Variants in FKBP15 observed in about 807,000 individuals in gnomAD.
The protein encoded by FKBP15 is FKBP prolyl isomerase family member 15.
A neutral mutation model predicts 158.1 loss-of-function variants in FKBP15; 106 were observed. That is an observed-to-expected ratio of 0.67 (90% CI 0.57 to 0.79). The LOEUF (loss-of-function observed/expected upper bound fraction) is 0.79, where lower values mean the gene tolerates loss of function less well. Ranked by LOEUF, FKBP15 falls within the 30% of genes least tolerant of loss-of-function variation. The probability of loss-of-function intolerance (pLI) is 0.00; values close to 1 mark genes in which losing one functional copy is unlikely to be tolerated. For synonymous variants in FKBP15, 547 were observed against 548.6 expected, an observed-to-expected ratio of 1.00 and a Z score of 0.04; for missense variants, 1,287 against 1,479.1, an observed-to-expected ratio of 0.87 and a Z score of 2.13.
At chr9:113,211,635 C>G in intron 1 of FKBP15, 43 bp from the exon 2 acceptor site, 1 of 1,417,358 alleles carries the variant, frequency 7.1e-7, no homozygotes, top group Non-Finnish European at 9.7e-7. Context: ...TGATATATCC[C>G]AAACCTGGAA....
intron 11 of FKBP15, 90 bp downstream of exon 11, chr9:113,193,402 T>C (rs1830611427): frequency 1.9e-6 from 2 of 1,035,154 alleles, no homozygotes; most frequent in Non-Finnish European, 2.9e-6. Flanking sequence ...CTTGAACTCC[T>C]GCACTGTAGT....
Position 113,165,883 on chromosome 9 carries a change from G to A in FKBP15, c.*195C>T. ...GAAATCCCAGTGTTCTTGAAGACAG[G>A]GTTATGATCCTCTTCACCAGGTCTG... is the stretch of plus-strand genomic sequence containing the variant. On this transcript the variant is annotated 3_prime_UTR_variant, in exon 28 of 28. Coordinates refer to ENST00000238256, the MANE Select transcript of FKBP15 (RefSeq NM_015258.2). 1.9e-6 allele frequency: 1 copy of A among 533,114 alleles called. No individual in the cohort carries two copies. Among genetic ancestry groups the A allele is most frequent in the African/African-American group, 1.9e-5 (1 of 52,448 alleles). 33.0% of individuals were successfully genotyped at this position (533,114 alleles called of 1,614,324 possible). A position where few individuals can be genotyped will look rare whatever the true frequency, so the allele number is the denominator to read the frequency against.
chr9:113,216,910 T>C (rs929329889), intron 1 of FKBP15, among the ~76,000 whole-genome samples: 1 of 151,106 alleles, frequency 6.6e-6, no homozygotes, highest in Non-Finnish European at 1.5e-5. Flanking sequence ...TTTTCTTTTT[T>C]TTTTTTTTTT....
chr9:113,161,324 C>T lies in FKBP15; in HGVS notation c.*4754G>A, dbSNP rs549435198. 21 of 611,138 alleles carry T rather than the reference C, an allele frequency of 3.4e-5. No individual in the cohort carries two copies. Among genetic ancestry groups the T allele is most frequent in the African/African-American group, 3.3e-4 (18 of 54,240 alleles). The allele number at this position is 611,138 out of a possible 1,614,324, so 37.9% of individuals were successfully genotyped here. On this transcript the variant is annotated 3_prime_UTR_variant, in exon 28 of 28. Transcript: ENST00000238256. ...TTTTCAGGTGGCTTCTCTTCCTGATCTCAAAGCCACACTCCAGCTAAGAAA... is the reference window on the plus strand; with the variant it reads ...TTTTCAGGTGGCTTCTCTTCCTGATTTCAAAGCCACACTCCAGCTAAGAAA...
chr9:113,197,626 G>A (rs533058284), intron 8 of FKBP15, among the ~76,000 whole-genome samples: 33 of 152,146 alleles, frequency 2.2e-4, no homozygotes, highest in Non-Finnish European at 4.7e-4. Context: ...CTGAGATCGT[G>A]CCACTGCACT....
intron 4 of FKBP15, among the ~76,000 whole-genome samples, chr9:113,204,169 C>T (rs893282524): frequency 6.6e-6 from 1 of 152,322 alleles, no homozygotes; most frequent in Admixed American, 6.5e-5. Flanking sequence ...CCTCCACCTC[C>T]CAGGTTCAAG....
intron 1 of FKBP15, among the ~76,000 whole-genome samples, chr9:113,216,966 C>T (rs1193821781): frequency 6.8e-6 from 1 of 146,518 alleles, no homozygotes; most frequent in Admixed American, 7.0e-5. Context: ...AGTGCAATGG[C>T]AGGATCTCGG....
intron 8 of FKBP15, among the ~76,000 whole-genome samples, chr9:113,197,398 TG>T (rs1415026250): frequency 1.3e-5 from 2 of 152,180 alleles, no homozygotes; most frequent in East Asian, 3.8e-4. Context: ...CTGGGCACAG[TG>T]GCTCATGGCT....
intron 21 of FKBP15, among the ~76,000 whole-genome samples, chr9:113,175,543 G>A (rs1830285801): frequency 6.6e-6 from 1 of 152,154 alleles, no homozygotes; most frequent in Admixed American, 6.5e-5. Flanking sequence ...CAAAAAGATA[G>A]AAATGTTCTC....
At chr9:113,186,418 T>G (rs1277253052) in intron 14 of FKBP15, 55 bp from the exon 15 acceptor site, 1 of 1,298,282 alleles carries the variant, frequency 7.7e-7, no homozygotes, top group African/African-American at 1.5e-5. Flanking sequence ...CTTTCTTTTT[T>G]GTTCACATTT....
chr9:113,168,612 C>G, intron 26 of FKBP15, 56 bp from the exon 27 acceptor site: 1 of 1,490,028 alleles, frequency 6.7e-7, no homozygotes, highest in Non-Finnish European at 9.3e-7. Flanking sequence ...GGTCACAGTA[C>G]CCACCACCTA....
chr9:113,196,565 A>G (rs1046521675), intron 9 of FKBP15, among the ~76,000 whole-genome samples: 11 of 151,946 alleles, frequency 7.2e-5, no homozygotes, highest in African/African-American at 2.4e-4. Flanking sequence ...TTGTATTTTT[A>G]GTAGAGATGG....
intron 23 of FKBP15, among the ~76,000 whole-genome samples, chr9:113,171,969 G>A (rs1830220491): frequency 6.6e-6 from 1 of 151,906 alleles, no homozygotes; most frequent in Non-Finnish European, 1.5e-5. Context: ...ATTTACATTA[G>A]GTATTTCTCC....
intron 20 of FKBP15, among the ~76,000 whole-genome samples, chr9:113,177,639 T>A (rs1019657164): frequency 8.5e-5 from 13 of 152,112 alleles, no homozygotes; most frequent in African/African-American, 1.4e-4. Flanking sequence ...AAAAAATTTT[T>A]AAAAAAATAA....
intron 1 of FKBP15, among the ~76,000 whole-genome samples, chr9:113,213,745 CCACATG>C (rs1313817183): frequency 6.6e-6 from 1 of 152,062 alleles, no homozygotes; most frequent in African/African-American, 2.4e-5. Context: ...AAGACCTTCA[CCACATG>C]CAGCCCTTCT....
chr9:113,174,360 C>T, intron 22 of FKBP15, 68 bp downstream of exon 22: 1 of 1,530,380 alleles, frequency 6.5e-7, no homozygotes, highest in Non-Finnish European at 8.8e-7. Flanking sequence ...AGGAAGAAAC[C>T]AGAAGCTTTT....
At position 113,202,948 on chromosome 9, in the gene FKBP15, G is replaced by A. The variant is rs1477572617; in HGVS notation, c.399+13C>T. On this transcript the variant is annotated intron_variant, in intron 5 of 27. Transcript: ENST00000238256. Reference sequence around the variant, plus strand: ...CCGAAGGAGCTAATGATTCCAATATGATGAAGTCTTACCATTAGCTCAAAG... The same window carrying A: ...CCGAAGGAGCTAATGATTCCAATATAATGAAGTCTTACCATTAGCTCAAAG... 6.3e-7 allele frequency: 1 copy of A among 1,599,660 alleles called. No individual in the cohort carries two copies. The highest frequency in any genetic ancestry group is 1.7e-5 in the Admixed American group (1 of 59,584).
chr9:113,178,919 T>C, intron 19 of FKBP15, 118 bp from the exon 20 acceptor site: 4 of 1,023,752 alleles, frequency 3.9e-6, no homozygotes, highest in Non-Finnish European at 5.5e-6. Context: ...TATGGCTGCC[T>C]TCAACCTGCA....
In FKBP15 at chr9:113,196,920, A is replaced by G; in HGVS notation, c.864+12T>C. 3 of 1,613,180 alleles carry G rather than the reference A, an allele frequency of 1.9e-6. No individual in the cohort carries two copies. The highest frequency in any genetic ancestry group is 2.5e-6 in the Non-Finnish European group (3 of 1,179,288). ...AGGACTCATCAAACAAAACACAGAG[A>G]GTTTCACTCACCCGCCTAACCTCCA... On this transcript the variant is annotated intron_variant, in intron 9 of 27. Transcript: ENST00000238256.
Sources: gnomAD v4.1 joint callset for allele counts (sites outside exome capture counted in the v4.1 genomes callset) on GRCh38, gnomAD v4.1.1 for gene constraint, MANE v1.5 for transcripts, NCBI Gene and HGNC (gene_info 2026-07-23, HGNC 2026-07-21) for gene names.